The following SEMA5A variants were observed in gnomAD, a reference collection of about 807,000 sequenced individuals.
SEMA5A encodes the protein semaphorin 5A, also known as semaphorin-5A.
In SEMA5A, 55 loss-of-function variants were observed where a neutral mutation model predicts 135.5. The observed-to-expected ratio is 0.41, with a 90% confidence interval of 0.33 to 0.51. The LOEUF is 0.51. Among genes scored for constraint, SEMA5A ranks in the 20% least tolerant of loss-of-function variants. SEMA5A has a pLI of 0.37. For missense variants in SEMA5A, 1,290 were observed against 1,419.9 expected (o/e 0.91, Z 1.47); for synonymous variants, 580 against 546.5 (o/e 1.06, Z -0.85).
intron 5 of SEMA5A, among the ~76,000 whole-genome samples, chr5:9,285,433 C>A (rs1478384647): frequency 1.3e-5 from 2 of 152,152 alleles, no homozygotes; most frequent in East Asian, 3.8e-4. Flanking sequence ...TGCCTAGAGC[C>A]CTTCCTCCCC....
intron 3 of SEMA5A, among the ~76,000 whole-genome samples, chr5:9,344,465 G>A (rs1354319840): frequency 6.6e-6 from 1 of 152,202 alleles, no homozygotes; most frequent in Non-Finnish European, 1.5e-5. Context: ...ACCCAGCAAA[G>A]GAGAGAAAAA....
intron 16 of SEMA5A, among the ~76,000 whole-genome samples, chr5:9,069,398 C>CT (rs1183131632): frequency 1.3e-5 from 2 of 152,152 alleles, no homozygotes; most frequent in Admixed American, 6.6e-5. Flanking sequence ...GGTTCTTTCT[C>CT]TTTTTTTCTG....
intron 4 of SEMA5A, among the ~76,000 whole-genome samples, chr5:9,327,827 A>G (rs1333740549): frequency 6.6e-6 from 1 of 152,006 alleles, no homozygotes; most frequent in African/African-American, 2.4e-5. Flanking sequence ...TCTAAATTTA[A>G]CTCGCGACTT....
intron 12 of SEMA5A, among the ~76,000 whole-genome samples, chr5:9,141,238 G>A (rs529296494): frequency 8.5e-5 from 13 of 152,260 alleles, no homozygotes; most frequent in Non-Finnish European, 1.6e-4. Context: ...TTAAGAAACT[G>A]TGGAAAATCA....
chr5:9,480,759 T>C (rs1759845634), intron 1 of SEMA5A, among the ~76,000 whole-genome samples: 1 of 151,978 alleles, frequency 6.6e-6, no homozygotes, highest in South Asian at 2.1e-4. Context: ...AAATTAGAGG[T>C]GTCAGCATCA....
intron 4 of SEMA5A, among the ~76,000 whole-genome samples, chr5:9,332,843 A>G (rs907662201): frequency 6.6e-6 from 1 of 152,246 alleles, no homozygotes; most frequent in African/African-American, 2.4e-5. Context: ...ATAAATCATT[A>G]TATCTGCTAT....
At chr5:9,070,998 C>CA (rs375598609) in intron 16 of SEMA5A, among the ~76,000 whole-genome samples, 300 of 152,218 alleles carry the variant, frequency 2.0e-3, no homozygotes, top group African/African-American at 6.6e-3. Flanking sequence ...GGAACTTTAA[C>CA]AAAACTGCAC....
intron 1 of SEMA5A, among the ~76,000 whole-genome samples, chr5:9,504,142 G>A (rs752123657): frequency 5.3e-5 from 8 of 149,892 alleles, no homozygotes; most frequent in Non-Finnish European, 1.0e-4. Context: ...TTAAACCCAG[G>A]AGGCGGAGGC....
At chr5:9,187,956 G>T (rs1485180308) in intron 11 of SEMA5A, among the ~76,000 whole-genome samples, 1 of 152,178 alleles carries the variant, frequency 6.6e-6, no homozygotes, top group Admixed American at 6.5e-5. Context: ...CAAGTTTCTA[G>T]AAACTTTTAA....
intron 12 of SEMA5A, among the ~76,000 whole-genome samples, chr5:9,153,672 AG>A (rs1229774643): frequency 2.6e-5 from 4 of 152,224 alleles, no homozygotes; most frequent in Admixed American, 1.3e-4. Flanking sequence ...CTTCTTCTCA[AG>A]GGGTTATCAG....
At chr5:9,378,758 G>T (rs1755470986) in intron 3 of SEMA5A, among the ~76,000 whole-genome samples, 1 of 152,142 alleles carries the variant, frequency 6.6e-6, no homozygotes, top group African/African-American at 2.4e-5. Flanking sequence ...GACTTAACTG[G>T]CCAAAAGATG....
chr5:9,149,300 T>C (rs1419310236), intron 12 of SEMA5A, among the ~76,000 whole-genome samples: 5 of 152,158 alleles, frequency 3.3e-5, no homozygotes, highest in Non-Finnish European at 5.9e-5. Context: ...CAAAGAAAGT[T>C]TGCCAACATG....
Position 9,154,534 on chromosome 5 carries a change from C to T in SEMA5A, c.1435G>A (p.Val479Met), listed in dbSNP as rs760775965. Reference protein sequence around the residue: ...SVLFVGLREHVVKIPLKRCQF... With the variant: ...SVLFVGLREHMVKIPLKRCQF... ...CACCTCTTCAGGGGGATCTTGACCA[C>T]GTGCTCCCGCAGGCCCACGAACAGG... Residue 479 changes from valine to methionine, a missense_variant, in exon 12 of 23, where the codon GTG becomes ATG. Transcript: ENST00000382496. 4 of 1,612,508 alleles carry T rather than the reference C, an allele frequency of 2.5e-6. No individual in the cohort carries two copies. Among genetic ancestry groups the T allele is most frequent in the Non-Finnish European group, 1.7e-6 (2 of 1,180,012 alleles).
chr5:9,293,120 C>T (rs1446703895), intron 5 of SEMA5A, among the ~76,000 whole-genome samples: 1 of 152,156 alleles, frequency 6.6e-6, no homozygotes, highest in Non-Finnish European at 1.5e-5. Flanking sequence ...CTGCCACTAC[C>T]ACTGTTCATT....
At chr5:9,094,711 CCTT>C (rs756878983) in intron 16 of SEMA5A, among the ~76,000 whole-genome samples, 1 of 152,172 alleles carries the variant, frequency 6.6e-6, no homozygotes, top group Non-Finnish European at 1.5e-5. Context: ...CATTAGAGGT[CCTT>C]CGAGGATTGC....
chr5:9,057,154 G>T (rs1736937396), intron 18 of SEMA5A, among the ~76,000 whole-genome samples: 1 of 152,084 alleles, frequency 6.6e-6, no homozygotes, highest in Non-Finnish European at 1.5e-5. Context: ...CTGTATAGCT[G>T]GTATAAACTT....
chr5:9,309,493 C>G (rs1752024284), intron 5 of SEMA5A, among the ~76,000 whole-genome samples: 1 of 152,158 alleles, frequency 6.6e-6, no homozygotes, highest in Non-Finnish European at 1.5e-5. Context: ...AAGGGATGCA[C>G]TTCCTGGCAT....
intron 8 of SEMA5A, among the ~76,000 whole-genome samples, chr5:9,202,967 A>G (rs1745802799): frequency 6.6e-6 from 1 of 152,188 alleles, no homozygotes; most frequent in African/African-American, 2.4e-5. Flanking sequence ...TTAGTTTTAA[A>G]ATGGGGAAAC....
rs199749722 is a variant in SEMA5A at position 9,278,011 on chromosome 5, G to GA, written c.271-40122dup. 3.3e-3 allele frequency among the ~76,000 whole-genome samples: 498 copies of GA among 151,292 alleles called. 3 individuals carry two copies. The highest frequency in any genetic ancestry group is 0.012 in the African/African-American group (486 of 41,144). The stretch of plus-strand genomic sequence containing the variant: ...CAGTATTGACTTATCAATAGACCCA[G>GA]AAAAAATGTTTAAATTAAATTTTGG... On this transcript the variant is annotated intron_variant, in intron 5 of 22. Transcript: ENST00000382496.
Sources: allele counts gnomAD v4.1 joint callset (sites outside exome capture counted in the v4.1 genomes callset), GRCh38; gene constraint gnomAD v4.1.1; transcripts MANE v1.5; gene names NCBI Gene and HGNC (gene_info 2026-07-23, HGNC 2026-07-21).